The following LINGO2 variants were observed in gnomAD, a reference collection of about 807,000 sequenced individuals.
LINGO2 encodes the protein leucine rich repeat and Ig domain containing 2.
A neutral mutation model predicts 30.6 loss-of-function variants in LINGO2; 14 were observed. The observed-to-expected ratio is 0.46, with a 90% CI of 0.30 to 0.72. The LOEUF (loss-of-function observed/expected upper bound fraction) is 0.72, where lower values mean the gene tolerates loss of function less well. Ranked by LOEUF, LINGO2 falls within the 30% of genes least tolerant of loss-of-function variation. The pLI, the probability that LINGO2 is intolerant of heterozygous loss-of-function variation, is 0.07. For missense variants in LINGO2, 729 were observed against 751.7 expected (o/e 0.97, Z 0.35); for synonymous variants, 317 against 288.5 (o/e 1.10, Z -1.00).
At chr9:27,981,696 A>G (rs1049850118) in intron 5 of LINGO2, among the ~76,000 whole-genome samples, 5 of 151,586 alleles carry the variant, frequency 3.3e-5, no homozygotes, top group Non-Finnish European at 7.4e-5. Flanking sequence ...GTCCATCTAG[A>G]TTAGTGAAGG....
intron 4 of LINGO2, among the ~76,000 whole-genome samples, chr9:28,236,852 T>C (rs1420019481): frequency 6.6e-6 from 1 of 152,100 alleles, no homozygotes; most frequent in Admixed American, 6.5e-5. Flanking sequence ...CTATAGTCAA[T>C]AATAATTTAA....
chr9:28,139,831 A>T (rs951103888), intron 4 of LINGO2, among the ~76,000 whole-genome samples: 3 of 152,200 alleles, frequency 2.0e-5, no homozygotes, highest in Non-Finnish European at 4.4e-5. Context: ...AAGCAAAATT[A>T]AGGTAATTCA....
intron 4 of LINGO2, among the ~76,000 whole-genome samples, chr9:28,098,350 A>T (rs1826310169): frequency 6.6e-6 from 1 of 152,058 alleles, no homozygotes; most frequent in African/African-American, 2.4e-5. Context: ...TCTATACCAA[A>T]AACCATTGAA....
chr9:28,942,528 G>C, the LINGO2 span, among the ~76,000 whole-genome samples: 35 of 152,250 alleles, frequency 2.3e-4, 1 homozygote, highest in South Asian at 7.3e-3. Flanking sequence ...CCACTAACTA[G>C]CTGTGACATT....
rs139744048 is a variant in LINGO2 at position 28,338,957 on chromosome 9, G to A, written c.-246+33879C>T. On this transcript the variant is annotated intron_variant, in intron 3 of 5. Coordinates refer to ENST00000379992, the Ensembl canonical transcript of LINGO2. ...TTAACAAACAAACAAACAAACAAAC[G>A]TTAAAATGATGCCAGATGGGAGTAA... Among the ~76,000 whole-genome samples the A allele has an allele frequency of 5.5e-3, 840 of 151,652 alleles. 10 individuals are homozygous for A. Among genetic ancestry groups the A allele is most frequent in the African/African-American group, 0.019 (767 of 41,450 alleles).
the LINGO2 span, among the ~76,000 whole-genome samples, chr9:28,825,374 G>C: frequency 6.6e-6 from 1 of 151,824 alleles, no homozygotes; most frequent in African/African-American, 2.4e-5. Flanking sequence ...TTGGAAGTCT[G>C]TGAGTCAGGA....
the LINGO2 span, among the ~76,000 whole-genome samples, chr9:29,100,869 A>G: frequency 6.6e-6 from 1 of 152,128 alleles, no homozygotes; most frequent in Non-Finnish European, 1.5e-5. Flanking sequence ...TAGCTATAAC[A>G]TGTGCTCACA....
At chr9:28,031,321 CTT>C (rs1255195977) in intron 4 of LINGO2, among the ~76,000 whole-genome samples, 3 of 147,180 alleles carry the variant, frequency 2.0e-5, no homozygotes, top group Non-Finnish European at 3.0e-5. Flanking sequence ...TAAGCAGTCT[CTT>C]TATACCCACT....
At chr9:28,908,615 A>T in the LINGO2 span, among the ~76,000 whole-genome samples, 112,055 of 151,256 alleles carry the variant, frequency 0.74, 41,630 homozygotes, top group Non-Finnish European at 0.78. Flanking sequence ...TAGAATGAAG[A>T]ATGTGTATTT....
intron 1 of LINGO2, among the ~76,000 whole-genome samples, chr9:28,564,447 C>T (rs1293891182): frequency 2.0e-5 from 3 of 152,030 alleles, no homozygotes; most frequent in African/African-American, 7.2e-5. Flanking sequence ...ACCAACCCTA[C>T]CTCTATCTTA....
chr9:28,474,611 C>T (rs1825656019), intron 2 of LINGO2, among the ~76,000 whole-genome samples: 1 of 152,026 alleles, frequency 6.6e-6, no homozygotes, highest in African/African-American at 2.4e-5. Context: ...TTCATTTTAA[C>T]AATTTGGAAG....
intron 4 of LINGO2, among the ~76,000 whole-genome samples, chr9:28,121,236 G>GTT (rs34656987): frequency 6.6e-6 from 1 of 151,774 alleles, no homozygotes; most frequent in East Asian, 1.9e-4. Flanking sequence ...CAGTGCAGAG[G>GTT]TTTTTTTTAC....
At chr9:28,512,622 TATATATATATATATAC>T (rs1463205396) in intron 1 of LINGO2, among the ~76,000 whole-genome samples, 1,225 of 9,950 alleles carry the variant, frequency 0.12, 30 homozygotes, top group South Asian at 0.35. Flanking sequence ...TATATATATA[TATATATATATATATAC>T]ACACATACAT....
At chr9:29,058,587 G>T in the LINGO2 span, among the ~76,000 whole-genome samples, 4 of 151,714 alleles carry the variant, frequency 2.6e-5, no homozygotes, top group South Asian at 2.1e-4. Flanking sequence ...AACAATATAA[G>T]CCCACAGATT....
the LINGO2 span, among the ~76,000 whole-genome samples, chr9:28,906,067 A>G: frequency 6.6e-6 from 1 of 152,172 alleles, no homozygotes; most frequent in East Asian, 1.9e-4. Context: ...AAAAAGAAAT[A>G]GCACATGATC....
the LINGO2 span, among the ~76,000 whole-genome samples, chr9:28,970,917 C>T: frequency 1.3e-5 from 2 of 152,166 alleles, no homozygotes; most frequent in South Asian, 4.1e-4. Context: ...TAAGGAAGTA[C>T]TGGCATCACT....
intron 2 of LINGO2, among the ~76,000 whole-genome samples, chr9:28,446,311 T>C (rs953310393): frequency 1.3e-5 from 2 of 152,212 alleles, no homozygotes; most frequent in Non-Finnish European, 2.9e-5. Context: ...ATTATGTTGT[T>C]ATGCACATTC....
the LINGO2 span, among the ~76,000 whole-genome samples, chr9:28,722,742 T>C: frequency 6.6e-6 from 1 of 152,178 alleles, no homozygotes; most frequent in Admixed American, 6.6e-5. Flanking sequence ...CAACCTTTGC[T>C]GTTGGATGCT....
At chr9:28,412,944 C>T (rs888974410) in intron 2 of LINGO2, among the ~76,000 whole-genome samples, 1 of 152,012 alleles carries the variant, frequency 6.6e-6, no homozygotes, top group Admixed American at 6.6e-5. Flanking sequence ...TGAGCCTACT[C>T]AGTGTGAAGA....
Sources: allele counts gnomAD v4.1 joint callset (sites outside exome capture counted in the v4.1 genomes callset), GRCh38; gene constraint gnomAD v4.1.1; transcripts MANE v1.5; gene names NCBI Gene and HGNC (gene_info 2026-07-23, HGNC 2026-07-21).